The following TOGARAM1 variants were observed in gnomAD, a reference collection of about 807,000 sequenced individuals.
The protein encoded by TOGARAM1 is TOG array regulator of axonemal microtubules protein 1.
Under a neutral mutation model 166.6 loss-of-function variants are expected in TOGARAM1, and 100 were observed. The observed-to-expected ratio is 0.60, with a 90% CI of 0.51 to 0.71. The LOEUF (loss-of-function observed/expected upper bound fraction) is 0.71, where lower values mean the gene tolerates loss of function less well. Ranked by LOEUF, TOGARAM1 falls within the 30% of genes least tolerant of loss-of-function variation. The probability of loss-of-function intolerance (pLI) is 0.00; values close to 1 mark genes in which losing one functional copy is unlikely to be tolerated. For synonymous variants in TOGARAM1, 758 were observed against 763.8 expected, an observed-to-expected ratio of 0.99 and a Z score of 0.13; for missense variants, 2,029 against 2,102.7, an observed-to-expected ratio of 0.96 and a Z score of 0.69.
At chr14:45,073,247 G>A in intron 19 of TOGARAM1, 49 bp from the exon 20 acceptor site, 1 of 1,535,286 alleles carries the variant, frequency 6.5e-7, no homozygotes, top group East Asian at 2.3e-5. Context: ...GCAGAGCTTG[G>A]GCTTATTTAT....
intron 11 of TOGARAM1, among the ~76,000 whole-genome samples, chr14:45,032,856 A>G (rs1443934997): frequency 6.6e-6 from 1 of 152,042 alleles, no homozygotes; most frequent in Non-Finnish European, 1.5e-5. Context: ...TTGTTCCTTC[A>G]CTATCTCTCA....
chr14:44,963,647 A>G lies in TOGARAM1; in HGVS notation c.1226A>G (p.Lys409Arg). The G allele has an allele frequency of 1.9e-6, 3 of 1,613,380 alleles. No homozygotes were observed. Among genetic ancestry groups the G allele is most frequent in the Non-Finnish European group, 2.5e-6 (3 of 1,180,010 alleles). The change falls in exon 1 of 20, where the codon AAA (lysine) becomes AGA (arginine). Residue 409 changes from lysine (K) to arginine (R), a missense_variant. This residue lies in a region of TOGARAM1 where 1,453 missense variants were observed against 1,432.2 expected (regional missense o/e 1.01). Transcript: ENST00000361462. The stretch of plus-strand genomic sequence containing the variant: ...AATTTGTTAGACGATTCTAACTTCA[A>G]AGTGGTGCATGGCACACTTGAAGTC... ...LYNLLDDSNF[K>R]VVHGTLEVLH...
At chr14:45,050,494 C>T (rs922333839) in intron 14 of TOGARAM1, among the ~76,000 whole-genome samples, 5 of 151,902 alleles carry the variant, frequency 3.3e-5, no homozygotes, top group Non-Finnish European at 7.4e-5. Context: ...CTCAAGCAGT[C>T]CACCTACCTT....
intron 14 of TOGARAM1, among the ~76,000 whole-genome samples, chr14:45,051,701 C>T (rs1882379284): frequency 6.6e-6 from 1 of 151,706 alleles, no homozygotes; most frequent in Non-Finnish European, 1.5e-5. Context: ...CTGGGATTAC[C>T]TGAGCACGCC....
intron 11 of TOGARAM1, among the ~76,000 whole-genome samples, chr14:45,039,368 C>G (rs1430575595): frequency 1.3e-5 from 2 of 152,126 alleles, no homozygotes; most frequent in Non-Finnish European, 2.9e-5. Context: ...GCAGCCCACT[C>G]CCACAAGCTT....
At chr14:44,986,777 C>T (rs956884671) in intron 1 of TOGARAM1, among the ~76,000 whole-genome samples, 4 of 151,444 alleles carry the variant, frequency 2.6e-5, no homozygotes, top group Non-Finnish European at 5.9e-5. Flanking sequence ...GAGGCCCAGG[C>T]GGGCAGATCA....
At chr14:45,049,053 T>G (rs1206694433) in intron 14 of TOGARAM1, among the ~76,000 whole-genome samples, 5 of 62,760 alleles carry the variant, frequency 8.0e-5, no homozygotes, top group Non-Finnish European at 1.1e-4. Context: ...AGAGACAAAC[T>G]TCTCAAAAAA....
intron 16 of TOGARAM1, among the ~76,000 whole-genome samples, chr14:45,056,199 T>C (rs564192852): frequency 8.5e-5 from 13 of 152,286 alleles, no homozygotes; most frequent in Admixed American, 2.6e-4. Flanking sequence ...TATATAGAAA[T>C]GCTATTGATT....
At chr14:45,042,690 C>G (rs1004996784) in intron 11 of TOGARAM1, among the ~76,000 whole-genome samples, 1 of 152,006 alleles carries the variant, frequency 6.6e-6, no homozygotes, top group African/African-American at 2.4e-5. Flanking sequence ...AATAAGTGCA[C>G]AGTAGTATTG....
At chr14:45,011,868 T>G in intron 6 of TOGARAM1, 107 bp from the exon 7 acceptor site, 1 of 707,116 alleles carries the variant, frequency 1.4e-6, no homozygotes. Context: ...TGCTCCCTTA[T>G]TATCTAAAAG....
In TOGARAM1 at chr14:45,044,887, C is replaced by T. The variant is rs1367972748; in HGVS notation, c.4154+17C>T. 4.5e-6 allele frequency: 7 copies of T among 1,565,548 alleles called. No individual in the cohort carries two copies. Among genetic ancestry groups the T allele is most frequent in the Non-Finnish European group, 6.1e-6 (7 of 1,145,656 alleles). Reference sequence around the variant, plus strand: ...TGGACAAAGGTAATGTTCAAAATAACCTTGAAATGTCTTTAAACAAAAAAT... The same window carrying T: ...TGGACAAAGGTAATGTTCAAAATAATCTTGAAATGTCTTTAAACAAAAAAT... On this transcript the variant is annotated intron_variant, in intron 13 of 19. Coordinates refer to ENST00000361462, the MANE Select transcript of TOGARAM1 (RefSeq NM_001308120.2).
At chr14:45,009,989 G>A (rs996516219) in intron 6 of TOGARAM1, among the ~76,000 whole-genome samples, 14 of 152,186 alleles carry the variant, frequency 9.2e-5, no homozygotes, top group Non-Finnish European at 4.4e-5. Flanking sequence ...CTATGTGTGA[G>A]AGTTATCCTT....
intron 11 of TOGARAM1, among the ~76,000 whole-genome samples, chr14:45,036,004 T>C (rs1216789691): frequency 6.6e-6 from 1 of 150,584 alleles, no homozygotes; most frequent in Non-Finnish European, 1.5e-5. Context: ...GTGATGTGTT[T>C]CTGTAGTCCC....
intron 1 of TOGARAM1, among the ~76,000 whole-genome samples, chr14:44,984,500 G>C (rs2138767394): frequency 6.6e-6 from 1 of 151,860 alleles, no homozygotes; most frequent in East Asian, 1.9e-4. Flanking sequence ...TAAAAAAGCT[G>C]TAACAGCTAG....
chr14:45,005,592 C>T (rs1887913856), intron 4 of TOGARAM1, among the ~76,000 whole-genome samples: 1 of 152,000 alleles, frequency 6.6e-6, no homozygotes, highest in Non-Finnish European at 1.5e-5. Context: ...CCAGCCTGGG[C>T]TACAAGAGTG....
At chr14:44,975,304 T>G (rs1468524401) in intron 1 of TOGARAM1, among the ~76,000 whole-genome samples, 1 of 152,162 alleles carries the variant, frequency 6.6e-6, no homozygotes, top group Non-Finnish European at 1.5e-5. Flanking sequence ...TGAAGCAAGT[T>G]TTATTTTCTG....
intron 14 of TOGARAM1, among the ~76,000 whole-genome samples, chr14:45,050,836 A>G (rs1372843331): frequency 6.6e-6 from 1 of 151,840 alleles, no homozygotes; most frequent in Non-Finnish European, 1.5e-5. Context: ...GCTAGTCTCT[A>G]ACTCCTGGCC....
intron 1 of TOGARAM1, among the ~76,000 whole-genome samples, chr14:44,966,210 A>G (rs1193038825): frequency 6.6e-6 from 1 of 151,330 alleles, no homozygotes; most frequent in African/African-American, 2.4e-5. Context: ...GGTGGCTCAC[A>G]CCTGTAATGC....
intron 6 of TOGARAM1, among the ~76,000 whole-genome samples, chr14:45,011,452 A>G (rs1879786762): frequency 6.6e-6 from 1 of 152,104 alleles, no homozygotes; most frequent in Non-Finnish European, 1.5e-5. Flanking sequence ...AGCTGGGACT[A>G]CAGGTGTGCA....
Sources: allele counts gnomAD v4.1 joint callset (sites outside exome capture counted in the v4.1 genomes callset), GRCh38; gene constraint gnomAD v4.1.1; regional missense constraint gnomAD v4.1.1; transcripts MANE v1.5; gene names NCBI Gene and HGNC (gene_info 2026-07-23, HGNC 2026-07-21).